Variants in TECPR1 observed in about 807,000 individuals in gnomAD.
TECPR1 encodes tectonin beta-propeller repeat containing 1, also known as tectonin beta-propeller repeat-containing protein 1.
A neutral mutation model predicts 162.4 loss-of-function variants in TECPR1; 122 were observed. The observed-to-expected ratio is 0.75, with a 90% confidence interval of 0.65 to 0.87. The LOEUF is 0.87. Among genes scored for constraint, TECPR1 ranks in the 40% least tolerant of loss-of-function variants. The probability of loss-of-function intolerance (pLI) is 0.00; values close to 1 mark genes in which losing one functional copy is unlikely to be tolerated. For missense variants in TECPR1, 1,432 were observed against 1,618.2 expected, an observed-to-expected ratio of 0.88 and a Z score of 1.97; for synonymous variants, 642 against 670.6, an observed-to-expected ratio of 0.96 and a Z score of 0.66.
At chr7:98,247,137 C>CA (rs965013558) in intron 2 of TECPR1, among the ~76,000 whole-genome samples, 20 of 148,810 alleles carry the variant, frequency 1.3e-4, no homozygotes, top group African/African-American at 2.2e-4. Context: ...GACCCTGTCT[C>CA]AAAAAAAAAG....
rs1403882084 is a variant in TECPR1 at position 98,251,391 on chromosome 7, T to G, written c.-20+3A>C. 2.0e-5 allele frequency: 3 copies of G among 152,068 alleles called. No homozygotes were observed. Among genetic ancestry groups the G allele is most frequent in the Non-Finnish European group, 4.4e-5 (3 of 68,034 alleles). The allele number at this position is 152,068 out of a possible 1,614,324, so 9.4% of individuals were successfully genotyped here. ...GTACAAAGAACGCTCCGCAAGCACT[T>G]ACTTCCTCTGAGCCTTAGGAGTCCT... On this transcript the variant is annotated splice_donor_region_variant and intron_variant, in intron 2 of 25. Coordinates refer to ENST00000447648, the MANE Select transcript of TECPR1 (RefSeq NM_015395.3).
chr7:98,228,207 C>T (rs945156641), intron 16 of TECPR1, 91 bp from the exon 17 acceptor site: 13 of 1,015,478 alleles, frequency 1.3e-5, no homozygotes, highest in Admixed American at 1.0e-4. Flanking sequence ...CCCAGAGAGA[C>T]GGGGAGGGCG....
intron 6 of TECPR1, 99 bp downstream of exon 6, chr7:98,243,368 G>A (rs1056664268): frequency 4.4e-5 from 65 of 1,467,594 alleles, no homozygotes; most frequent in East Asian, 4.0e-4. Context: ...TGGGGGGGCC[G>A]GGGCTCCGGG....
chr7:98,217,253 G>A lies in TECPR1; in HGVS notation c.*137C>T, dbSNP rs1449264304. The stretch of plus-strand genomic sequence containing the variant: ...CTCAGCCAGTGCCTCTGAAGTGGCC[G>A]CAGCCTTGGGGCCAGGTTCCCTCCT... On this transcript the variant is annotated 3_prime_UTR_variant, in exon 26 of 26. Transcript: ENST00000447648. 1.1e-5 allele frequency: 7 copies of A among 631,048 alleles called. No homozygotes were observed. In the East Asian group the frequency reaches 1.1e-4, roughly 10 times the overall value. 39.1% of individuals were successfully genotyped at this position (631,048 alleles called of 1,614,324 possible).
chr7:98,223,728 G>A lies in TECPR1; in HGVS notation c.2691-10C>T. ...GGACCCATGGTATGAGCTGCAAGGA[G>A]GAAGAAGATGAAATCAGGGCCACTT... On this transcript the variant is annotated splice_polypyrimidine_tract_variant and intron_variant, in intron 19 of 25. Coordinates refer to ENST00000447648, the MANE Select transcript of TECPR1 (RefSeq NM_015395.3). 1.2e-6 allele frequency: 2 copies of A among 1,613,682 alleles called. No individual in the cohort carries two copies. Among genetic ancestry groups the A allele is most frequent in the South Asian group, 1.1e-5 (1 of 91,084 alleles).
At chr7:98,223,842 G>T in intron 19 of TECPR1, 124 bp from the exon 20 acceptor site, 1 of 1,068,816 alleles carries the variant, frequency 9.4e-7, no homozygotes, top group Non-Finnish European at 1.4e-6. Context: ...GCCATGGATG[G>T]GGTTCAGAGA....
intron 6 of TECPR1, among the ~76,000 whole-genome samples, 158 bp downstream of exon 6, chr7:98,243,309 C>A (rs1468292279): frequency 6.7e-6 from 1 of 150,088 alleles, no homozygotes; most frequent in Non-Finnish European, 1.5e-5. Flanking sequence ...GGGCACTGAT[C>A]AGCACGCTGG....
At chr7:98,227,000 C>G (rs1798293629) in intron 17 of TECPR1, among the ~76,000 whole-genome samples, 1 of 151,794 alleles carries the variant, frequency 6.6e-6, no homozygotes, top group Non-Finnish European at 1.5e-5. Flanking sequence ...TAGACAGCCT[C>G]AAAAAGTTAA....
At chr7:98,228,390 C>G (rs1798333377) in intron 16 of TECPR1, 3 of 427,278 alleles carry the variant, frequency 7.0e-6, no homozygotes, top group Non-Finnish European at 1.3e-5. Context: ...TCCAGCGCCT[C>G]TTCCCACCTT....
chr7:98,222,164 G>A (rs956398486), intron 22 of TECPR1, among the ~76,000 whole-genome samples: 1 of 152,198 alleles, frequency 6.6e-6, no homozygotes, highest in Non-Finnish European at 1.5e-5. Flanking sequence ...GACCCTGCAG[G>A]GCCGAGACAC....
At chr7:98,236,490 C>A (rs118053816) in intron 10 of TECPR1, among the ~76,000 whole-genome samples, 2,027 of 151,988 alleles carry the variant, frequency 0.013, 28 homozygotes, top group Middle Eastern at 0.027. Flanking sequence ...ACCTCCATCA[C>A]GACAGCCCAG....
At chr7:98,223,583 G>A (rs2270596) in intron 20 of TECPR1, 79 bp downstream of exon 20, 269,766 of 1,495,998 alleles carry the variant, frequency 0.18, 26,786 homozygotes, top group Admixed American at 0.33. Context: ...CTGGCCCGGG[G>A]TGCAGGGAAC....
chr7:98,236,841 C>T lies in TECPR1; in HGVS notation c.1116G>A (p.Trp372Ter). 1 of 1,586,872 alleles carries T rather than the reference C, an allele frequency of 6.3e-7. No homozygotes were observed. Among genetic ancestry groups the T allele is most frequent in the East Asian group, 2.3e-5 (1 of 43,228 alleles). ...VTPSELSGKT[W>*]KAIIAARECD... ...ACTCTCGGGCCGCGATGATGGCTTT[C>T]CAGGTCTTCCCACTGAGCTCGCTGG... is the stretch of plus-strand genomic sequence containing the variant. Residue 372 changes from tryptophan (W) to a stop codon, truncating the protein, a stop_gained, in exon 10 of 26, where the codon TGG becomes TGA. Transcript: ENST00000447648. LOFTEE classifies it high-confidence loss of function.
intron 19 of TECPR1, among the ~76,000 whole-genome samples, chr7:98,224,264 G>C (rs770584672): frequency 3.9e-5 from 6 of 152,144 alleles, no homozygotes; most frequent in African/African-American, 1.4e-4. Flanking sequence ...AGACTGTGCC[G>C]TGAAGGGCCT....
chr7:98,233,464 C>G lies in TECPR1; in HGVS notation c.1629G>C (p.Val543=). 1 of 1,477,322 alleles carries G rather than the reference C, an allele frequency of 6.8e-7. No individual in the cohort carries two copies. The highest frequency in any genetic ancestry group is 9.0e-7 in the Non-Finnish European group (1 of 1,115,682). 91.5% of individuals were successfully genotyped at this position (1,477,322 alleles called of 1,614,324 possible). A position where few individuals can be genotyped will look rare whatever the true frequency, so the allele number is the denominator to read the frequency against. The part of the protein sequence containing the change: ...LWAWVSGGGC[V]VEACAMPRWF... ...ATCTGGGCATGGCACATGCCTCCAC[C>G]ACGCAGCCGCCTCCCGACACCCAGG... Residue 543 remains valine, a synonymous_variant, in exon 11 of 26, where the codon GTG becomes GTC. Coordinates refer to ENST00000447648, the MANE Select transcript of TECPR1 (RefSeq NM_015395.3).
intron 10 of TECPR1, among the ~76,000 whole-genome samples, chr7:98,236,046 G>A (rs1798593542): frequency 6.6e-6 from 1 of 152,124 alleles, no homozygotes; most frequent in South Asian, 2.1e-4. Flanking sequence ...CCTGGGCCCT[G>A]AGCGCCATCT....
Position 98,236,926 on chromosome 7 carries a change from A to T in TECPR1, c.1036-5T>A. The T allele has an allele frequency of 6.5e-7, 1 of 1,545,966 alleles. No homozygotes were observed. The highest frequency in any genetic ancestry group is 8.7e-7 in the Non-Finnish European group (1 of 1,144,344). On this transcript the variant is annotated splice_region_variant and splice_polypyrimidine_tract_variant and intron_variant, in intron 9 of 25. Coordinates refer to ENST00000447648, the MANE Select transcript of TECPR1 (RefSeq NM_015395.3). ...CTCACAGCCAATGCCCCACACCTGG[A>T]AGAGAGAGGCTGTGTTCCGAGGAAT...
At chr7:98,235,895 C>T (rs1392543654) in intron 10 of TECPR1, among the ~76,000 whole-genome samples, 4 of 148,000 alleles carry the variant, frequency 2.7e-5, no homozygotes, top group East Asian at 3.9e-4. Context: ...CATGAGCAAA[C>T]GCCTGCCCTG....
intron 20 of TECPR1, among the ~76,000 whole-genome samples, 154 bp downstream of exon 20, chr7:98,223,508 G>T (rs1798195674): frequency 6.6e-6 from 1 of 152,136 alleles, no homozygotes; most frequent in Non-Finnish European, 1.5e-5. Context: ...CTCAGATTCG[G>T]CTTCCCTCTT....
Sources: allele counts gnomAD v4.1 joint callset (sites outside exome capture counted in the v4.1 genomes callset), GRCh38; gene constraint gnomAD v4.1.1; transcripts MANE v1.5; gene names NCBI Gene and HGNC (gene_info 2026-07-23, HGNC 2026-07-21).